GLI3: variants seen among roughly 807,000 people sequenced by gnomAD.
GLI3 encodes GLI family zinc finger 3, also known as transcription activator GLI3.
In GLI3, 20 loss-of-function variants were observed where a neutral mutation model predicts 100.8. That is an observed-to-expected ratio of 0.20 (90% CI 0.14 to 0.29). The LOEUF is 0.29. GLI3 is among the 10% of genes least tolerant of loss of function. The pLI is 1.00. For synonymous variants in GLI3, 938 were observed against 860.5 expected (o/e 1.09, Z -1.58); for missense variants, 2,040 against 2,128.5 (o/e 0.96, Z 0.82).
chr7:42,217,252 A>G (rs1788396313), intron 2 of GLI3, among the ~76,000 whole-genome samples: 1 of 152,146 alleles, frequency 6.6e-6, no homozygotes, highest in Non-Finnish European at 1.5e-5. Flanking sequence ...GGAGAGAAGG[A>G]GGGGTCAAAG....
intron 4 of GLI3, among the ~76,000 whole-genome samples, chr7:42,074,687 C>T (rs1784844237): frequency 6.6e-6 from 1 of 152,096 alleles, no homozygotes; most frequent in Non-Finnish European, 1.5e-5. Flanking sequence ...CAGGGCCCTG[C>T]CAGGATGCAC....
Position 41,966,449 on chromosome 7 carries a change from C to A in GLI3, c.2624G>T (p.Arg875Leu). Reference sequence around the variant, plus strand: ...CTCGGCCTGTGACGCCTCGCTGGAGCGGCGGCTGGAGAAGCAGGGCGAGAT... The same window carrying A: ...CTCGGCCTGTGACGCCTCGCTGGAGAGGCGGCTGGAGAAGCAGGGCGAGAT... ...SGISPCFSSR[R>L]SSEASQAEGR... is the part of the protein sequence containing the mutation. The change falls in exon 15 of 15, where the codon CGC (arginine) becomes CTC (leucine). Residue 875 changes from arginine (R) to leucine (L), a missense_variant. Arg to Leu is a moderately radical substitution (Grantham distance 102). This residue lies in a region of GLI3 where 327 missense variants were observed against 338.7 expected (regional missense o/e 0.97). Transcript: ENST00000395925. This position sits in a 1 kb window ranked among gnomAD's most constrained non-coding sequence, Gnocchi z 5.8. 5 of 1,611,770 alleles carry A rather than the reference C, an allele frequency of 3.1e-6. No homozygotes were observed. The highest frequency in any genetic ancestry group is 4.2e-6 in the Non-Finnish European group (5 of 1,179,438).
At chr7:42,262,196 TTTTC>T (rs201378492) in intron 1 of GLI3, among the ~76,000 whole-genome samples, 2,768 of 38,266 alleles carry the variant, frequency 0.072, 49 homozygotes, top group Middle Eastern at 0.1. Context: ...CTTTTATTTT[TTTTC>T]CTTCCTTCTT....
At chr7:42,263,402 C>T (rs1028938940) in intron 1 of GLI3, among the ~76,000 whole-genome samples, 1 of 151,852 alleles carries the variant, frequency 6.6e-6, no homozygotes, top group Non-Finnish European at 1.5e-5. Flanking sequence ...ATTCTTGCAC[C>T]TTTTGATTTT....
At chr7:42,174,219 C>T (rs1194993018) in intron 2 of GLI3, among the ~76,000 whole-genome samples, 2 of 152,012 alleles carry the variant, frequency 1.3e-5, no homozygotes, top group Non-Finnish European at 1.5e-5. Flanking sequence ...AAAGAACACC[C>T]ATCATCTGGG....
Position 41,966,059 on chromosome 7 carries a change from G to C in GLI3, c.3014C>G (p.Ala1005Gly). 4.4e-6 allele frequency: 7 copies of C among 1,581,114 alleles called. No individual in the cohort carries two copies. The highest frequency in any genetic ancestry group is 6.0e-6 in the Non-Finnish European group (7 of 1,169,914). Reference protein sequence around the residue: ...HDAPGHGVRRASDPVRTGSEG... With the variant: ...HDAPGHGVRRGSDPVRTGSEG... Reference sequence around the variant, plus strand: ...GGAGCCTGTCCGCACCGGGTCGCTGGCCCTCCTCACGCCGTGGCCCGGCGC... The same window carrying C: ...GGAGCCTGTCCGCACCGGGTCGCTGCCCCTCCTCACGCCGTGGCCCGGCGC... Residue 1005 changes from alanine (A) to glycine (G), a missense_variant, in exon 15 of 15, where the codon GCC becomes GGC. Ala to Gly is a moderately conservative substitution (Grantham distance 60, BLOSUM62 0). Transcript: ENST00000395925. This position sits in a 1 kb window ranked among gnomAD's most constrained non-coding sequence, Gnocchi z 5.8.
intron 3 of GLI3, among the ~76,000 whole-genome samples, chr7:42,130,135 T>G (rs1480949014): frequency 6.6e-6 from 1 of 152,136 alleles, no homozygotes; most frequent in South Asian, 2.1e-4. Context: ...ATACCGGTTC[T>G]TATAGCTCCC....
At chr7:42,241,840 A>G (rs541931087), upstream of GLI3, among the ~76,000 whole-genome samples, 2 of 152,224 alleles carry the variant, frequency 1.3e-5, no homozygotes, top group African/African-American at 2.4e-5. Flanking sequence ...CCCATACCCT[A>G]TACTCAGATC....
At chr7:42,148,608 A>G (rs184305825) in intron 2 of GLI3, 140 bp from the exon 3 acceptor site, 1 of 823,176 alleles carries the variant, frequency 1.2e-6, no homozygotes, top group East Asian at 2.5e-5. Flanking sequence ...TTTGAGAGCT[A>G]CAGGGCTGGG....
chr7:42,022,931 T>TA lies in GLI3; in HGVS notation c.1497+536dup, dbSNP rs148345899. The stretch of plus-strand genomic sequence containing the variant: ...ATCACTAAATACATTTAAAAACACT[T>TA]ACAACTTTTTCCATGAAACTACTAA... On this transcript the variant is annotated intron_variant, in intron 10 of 14. Transcript: ENST00000395925. 7.5e-3 allele frequency among the ~76,000 whole-genome samples: 1,139 copies of TA among 152,306 alleles called. 17 individuals are homozygous for TA. Among genetic ancestry groups the TA allele is most frequent in the African/African-American group, 0.026 (1,089 of 41,556 alleles).
At chr7:42,122,110 C>A (rs1471975034) in intron 3 of GLI3, among the ~76,000 whole-genome samples, 1 of 149,042 alleles carries the variant, frequency 6.7e-6, no homozygotes, top group Non-Finnish European at 1.5e-5. Flanking sequence ...AATTAGAGAC[C>A]CTAGAGGAAT....
chr7:41,997,787 T>C (rs1339897685), intron 10 of GLI3, among the ~76,000 whole-genome samples: 3 of 152,170 alleles, frequency 2.0e-5, no homozygotes, highest in Non-Finnish European at 4.4e-5. Flanking sequence ...CACACGCAGG[T>C]GCTCAGGAAC....
intron 3 of GLI3, among the ~76,000 whole-genome samples, chr7:42,127,479 C>A (rs1046020109): frequency 2.0e-5 from 3 of 152,172 alleles, no homozygotes; most frequent in African/African-American, 7.2e-5. Flanking sequence ...TTAAACAGCA[C>A]ACATGCATCC....
rs1271547810 is a variant in GLI3, at chr7:41,977,490, C to A, written c.1812+68G>T. On this transcript the variant is annotated intron_variant, in intron 12 of 14. Transcript: ENST00000395925. Reference sequence around the variant, plus strand: ...ACAAAACAGAACACACTGCGCCTTCCCATGTGCCTTCCCCGGGATAGTTCT... The same window carrying A: ...ACAAAACAGAACACACTGCGCCTTCACATGTGCCTTCCCCGGGATAGTTCT... 39 of 1,513,840 alleles carry A rather than the reference C, an allele frequency of 2.6e-5. No homozygotes were observed. In the East Asian group the frequency reaches 8.8e-4, roughly 34 times the overall value. 93.8% of individuals were successfully genotyped at this position (1,513,840 alleles called of 1,614,324 possible).
chr7:42,089,643 C>G (rs1344097205), intron 3 of GLI3, among the ~76,000 whole-genome samples: 1 of 152,222 alleles, frequency 6.6e-6, no homozygotes, highest in African/African-American at 2.4e-5. Flanking sequence ...TATCTGCTCT[C>G]CATTTTGCCC....
chr7:41,981,373 T>A (rs954430315), intron 10 of GLI3, among the ~76,000 whole-genome samples: 2 of 152,176 alleles, frequency 1.3e-5, no homozygotes, highest in African/African-American at 4.8e-5. Context: ...TACCCCTGCA[T>A]AAAACTCACA....
chr7:42,022,200 G>A (rs1788962629), intron 10 of GLI3, among the ~76,000 whole-genome samples: 1 of 152,148 alleles, frequency 6.6e-6, no homozygotes, highest in Non-Finnish European at 1.5e-5. Flanking sequence ...GCGATGTCAT[G>A]TAAAATCCTC....
intron 3 of GLI3, among the ~76,000 whole-genome samples, chr7:42,078,993 T>G (rs4724092): frequency 1.3e-5 from 2 of 151,964 alleles, no homozygotes; most frequent in Non-Finnish European, 2.9e-5. Context: ...CCTCCCAAAG[T>G]GCTGGGATTA....
rs1244511121 is a variant in GLI3 at position 41,964,887 on chromosome 7, C to G, written c.4186G>C (p.Ala1396Pro). 2 of 1,613,738 alleles carry G rather than the reference C, an allele frequency of 1.2e-6. No homozygotes were observed. The highest frequency in any genetic ancestry group is 2.7e-5 in the African/African-American group (2 of 74,944). ...AGAGCAAGGCTGTCCCTCGGCATAG[C>G]CTGGCGCCTGCTGCCCCCAAAGCTG... ...CASFGGSRRQAMPRDSLALQS... is the reference protein window; with the variant it reads ...CASFGGSRRQPMPRDSLALQS... Residue 1396 changes from alanine to proline, a missense_variant, in exon 15 of 15, where the codon GCT (alanine) becomes CCT (proline). Physicochemically the swap from Ala to Pro is conservative, Grantham distance 27 (BLOSUM62 -1). Coordinates refer to ENST00000395925, the MANE Select transcript of GLI3 (RefSeq NM_000168.6).
Sources: gnomAD v4.1 joint callset for allele counts (sites outside exome capture counted in the v4.1 genomes callset) on GRCh38, gnomAD v4.1.1 for gene constraint, gnomAD v4.1.1 regional missense constraint, Gnocchi (gnomAD v3.1) non-coding constraint, MANE v1.5 for transcripts, NCBI Gene and HGNC (gene_info 2026-07-23, HGNC 2026-07-21) for gene names.